SMURF1: variants seen among roughly 807,000 people sequenced by gnomAD.
The protein encoded by SMURF1 is SMAD specific E3 ubiquitin protein ligase 1.
A neutral mutation model predicts 98.0 loss-of-function variants in SMURF1; 44 were observed. The ratio of observed to expected loss-of-function variants is 0.45; its 90% CI spans 0.35 to 0.58. The LOEUF (loss-of-function observed/expected upper bound fraction) is 0.58, where lower values mean the gene tolerates loss of function less well. Ranked by LOEUF, SMURF1 falls within the 20% of genes least tolerant of loss-of-function variation. The pLI, the probability that SMURF1 is intolerant of heterozygous loss-of-function variation, is 0.00. For missense variants in SMURF1, 687 were observed against 938.4 expected (o/e 0.73, Z 3.50); for synonymous variants, 396 against 374.9 (o/e 1.06, Z -0.65).
At chr7:99,112,195 C>G (rs953333413) in intron 1 of SMURF1, among the ~76,000 whole-genome samples, 2 of 152,152 alleles carry the variant, frequency 1.3e-5, no homozygotes, top group Non-Finnish European at 2.9e-5. Flanking sequence ...GGGCCCTAAG[C>G]TCCTACCTCT....
intron 1 of SMURF1, among the ~76,000 whole-genome samples, chr7:99,125,749 T>A (rs1236042082): frequency 6.6e-6 from 1 of 152,184 alleles, no homozygotes; most frequent in Non-Finnish European, 1.5e-5. Flanking sequence ...GCTACTCCAG[T>A]CCCTGGATCC....
intron 3 of SMURF1, among the ~76,000 whole-genome samples, chr7:99,059,415 AATAAAATAAAAT>A (rs1795974131): frequency 1.9e-5 from 1 of 51,614 alleles, no homozygotes; most frequent in Non-Finnish European, 4.1e-5. Flanking sequence ...AATAAAATAA[AATAAAATAAAAT>A]AAAATAAAAT....
At chr7:99,128,267 G>A (rs1031160132) in intron 1 of SMURF1, among the ~76,000 whole-genome samples, 4 of 152,150 alleles carry the variant, frequency 2.6e-5, no homozygotes, top group Non-Finnish European at 4.4e-5. Context: ...GTTCTCATGT[G>A]GTTGTCTTAA....
intron 1 of SMURF1, among the ~76,000 whole-genome samples, chr7:99,083,940 G>C (rs186440731): frequency 6.6e-6 from 1 of 152,374 alleles, no homozygotes; most frequent in Admixed American, 6.5e-5. Context: ...GTAGGCACTT[G>C]ATCGATATTT....
In SMURF1 at chr7:99,051,520, G is replaced by A. The variant is rs960922703; in HGVS notation, c.722-79C>T. 4.6e-5 allele frequency: 50 copies of A among 1,089,112 alleles called. No individual in the cohort carries two copies. In the East Asian group the frequency reaches 7.8e-4, roughly 17 times the overall value. The allele number at this position is 1,089,112 out of a possible 1,614,324, so 67.5% of individuals were successfully genotyped here. On this transcript the variant is annotated intron_variant, in intron 7 of 17. Transcript: ENST00000361368. ...TGTAACCAACCCTCGATGCCCTCAC[G>A]TCTGGTATTATCTAAATCTAGATAA...
At chr7:99,086,309 G>A (rs1796677082) in intron 1 of SMURF1, among the ~76,000 whole-genome samples, 1 of 151,376 alleles carries the variant, frequency 6.6e-6, no homozygotes, top group African/African-American at 2.4e-5. Flanking sequence ...TCACACCATT[G>A]CACTCCAGTC....
At chr7:99,068,121 CTTA>C (rs1216677908) in intron 1 of SMURF1, among the ~76,000 whole-genome samples, 1 of 152,194 alleles carries the variant, frequency 6.6e-6, no homozygotes, top group East Asian at 1.9e-4. Flanking sequence ...CTCTCTTCTT[CTTA>C]TATTTCTGTG....
Position 99,049,631 on chromosome 7 carries a change from C to T in SMURF1, c.885G>A (p.Arg295=). The change falls in exon 9 of 18, where the codon AGG becomes AGA. Residue 295 remains arginine, a synonymous_variant. Transcript: ENST00000361368. The part of the protein sequence containing the change: ...GWEVRSTVSG[R]IYFVDHNNRT... ...GGTTATTATGATCTACAAAATATAT[C>T]CTCCCAGAAACTGTACTTCTGACTT... 5.0e-6 allele frequency: 8 copies of T among 1,614,120 alleles called. No individual in the cohort carries two copies. The highest frequency in any genetic ancestry group is 6.8e-6 in the Non-Finnish European group (8 of 1,179,996).
intron 1 of SMURF1, among the ~76,000 whole-genome samples, chr7:99,091,716 G>T (rs114870352): frequency 6.6e-6 from 1 of 151,810 alleles, no homozygotes; most frequent in South Asian, 2.1e-4. Flanking sequence ...TTTTTTAAAC[G>T]TCTTTTCATC....
In SMURF1 at chr7:99,027,851, G is replaced by A. The variant is rs1414803634; in HGVS notation, c.*2733C>T. 1.3e-5 allele frequency: 2 copies of A among 152,628 alleles called. No individual in the cohort carries two copies. The highest frequency in any genetic ancestry group is 2.4e-5 in the African/African-American group (1 of 41,452). The allele number at this position is 152,628 out of a possible 1,614,324, so 9.5% of individuals were successfully genotyped here. A position where few individuals can be genotyped will look rare whatever the true frequency, so the allele number is the denominator to read the frequency against. ...TGCAGAAGGCCTTTCCTGACATCTCGGGTTGGGTGACCACCTTAATCTGAA... is the reference window on the plus strand; with the variant it reads ...TGCAGAAGGCCTTTCCTGACATCTCAGGTTGGGTGACCACCTTAATCTGAA... On this transcript the variant is annotated 3_prime_UTR_variant, in exon 18 of 18. Transcript: ENST00000361368.
chr7:99,029,179 G>A lies in SMURF1; in HGVS notation c.*1405C>T, dbSNP rs1794798786. 6.5e-6 allele frequency: 1 copy of A among 152,708 alleles called. No homozygotes were observed. Among genetic ancestry groups the A allele is most frequent in the Non-Finnish European group, 1.5e-5 (1 of 68,098 alleles). The allele number at this position is 152,708 out of a possible 1,614,324, so 9.5% of individuals were successfully genotyped here. A position where few individuals can be genotyped will look rare whatever the true frequency, so the allele number is the denominator to read the frequency against. Reference sequence around the variant, plus strand: ...CTCAGACCCACAGCGGGATCCCAGAGACTTCGACAGCAGTGAAATGTCTTG... The same window carrying A: ...CTCAGACCCACAGCGGGATCCCAGAAACTTCGACAGCAGTGAAATGTCTTG... On this transcript the variant is annotated 3_prime_UTR_variant, in exon 18 of 18. Transcript: ENST00000361368.
chr7:99,134,121 A>G (rs2150646308), intron 1 of SMURF1, among the ~76,000 whole-genome samples: 1 of 141,720 alleles, frequency 7.1e-6, no homozygotes, highest in South Asian at 2.2e-4. Flanking sequence ...TTTTTTTGAG[A>G]CAGGGTCTCG....
At chr7:99,086,337 C>T (rs1049692213) in intron 1 of SMURF1, among the ~76,000 whole-genome samples, 2 of 150,058 alleles carry the variant, frequency 1.3e-5, no homozygotes, top group African/African-American at 4.9e-5. Context: ...CAGAGTGAGA[C>T]TCTCTCAAAA....
chr7:99,130,806 T>G (rs560171708), intron 1 of SMURF1, among the ~76,000 whole-genome samples: 6 of 152,200 alleles, frequency 3.9e-5, no homozygotes, highest in Non-Finnish European at 8.8e-5. Context: ...AAGTCTGTAT[T>G]GTGGGTGGGA....
At chr7:99,094,250 C>A (rs887749399) in intron 1 of SMURF1, among the ~76,000 whole-genome samples, 2 of 152,100 alleles carry the variant, frequency 1.3e-5, no homozygotes, top group African/African-American at 4.8e-5. Context: ...AAGAGAATGT[C>A]TCTATTAATT....
Position 99,035,553 on chromosome 7 carries a change from G to A in SMURF1, c.1973C>T (p.Ser658Phe). Residue 658 changes from serine to phenylalanine, a missense_variant, in exon 16 of 18, where the codon TCC becomes TTC. Physicochemically the swap from Ser to Phe is radical, Grantham distance 155. Around this residue, in one of 2 missense-constraint regions of SMURF1, gnomAD observed 272 missense variants for 430.0 expected, o/e 0.63. Coordinates refer to ENST00000361368, the MANE Select transcript of SMURF1 (RefSeq NM_181349.3). The stretch of plus-strand genomic sequence containing the variant: ...GAAGCCTTGGAGCGGGACTCGCGTG[G>A]ACCCAGTCACAAACTGCAGGAGCCT... ...RARLLQFVTG[S>F]TRVPLQGFKA... 1 of 1,614,206 alleles carries A rather than the reference G, an allele frequency of 6.2e-7. No homozygotes were observed. Among genetic ancestry groups the A allele is most frequent in the Non-Finnish European group, 8.5e-7 (1 of 1,180,038 alleles).
At chr7:99,106,420 T>C (rs1797195146) in intron 1 of SMURF1, among the ~76,000 whole-genome samples, 2 of 152,336 alleles carry the variant, frequency 1.3e-5, no homozygotes, top group African/African-American at 4.8e-5. Context: ...TTCCAGTAGG[T>C]CCTTTTATGG....
At chr7:99,138,282 C>T (rs745781903) in intron 1 of SMURF1, among the ~76,000 whole-genome samples, 3 of 152,172 alleles carry the variant, frequency 2.0e-5, no homozygotes, top group Non-Finnish European at 2.9e-5. Flanking sequence ...TTTTGAACCA[C>T]TGAATAAAAC....
At chr7:99,139,808 G>A (rs1224110939) in intron 1 of SMURF1, among the ~76,000 whole-genome samples, 1 of 152,098 alleles carries the variant, frequency 6.6e-6, no homozygotes, top group Admixed American at 6.5e-5. Flanking sequence ...TAAATACAAA[G>A]GCTCAAATAT....
Sources: allele counts gnomAD v4.1 joint callset (sites outside exome capture counted in the v4.1 genomes callset), GRCh38; gene constraint gnomAD v4.1.1; regional missense constraint gnomAD v4.1.1; transcripts MANE v1.5; gene names NCBI Gene and HGNC (gene_info 2026-07-23, HGNC 2026-07-21).